Variants in CDCP1 observed in about 807,000 individuals in gnomAD.
CDCP1 encodes the protein CUB domain containing protein 1.
A neutral mutation model predicts 60.2 loss-of-function variants in CDCP1; 29 were observed. That is an observed-to-expected ratio of 0.48 (90% CI 0.36 to 0.66). The LOEUF (loss-of-function observed/expected upper bound fraction) is 0.66, where lower values mean the gene tolerates loss of function less well. Among genes scored for constraint, CDCP1 ranks in the 30% least tolerant of loss-of-function variants. CDCP1 has a pLI of 0.00. For synonymous variants in CDCP1, 387 were observed against 431.1 expected, an observed-to-expected ratio of 0.90 and a Z score of 1.27; for missense variants, 876 against 1,074.3, an observed-to-expected ratio of 0.82 and a Z score of 2.58.
Position 45,084,028 on chromosome 3 carries a change from C to G in CDCP1, c.*1610G>C, listed in dbSNP as rs1191267759. The G allele has an allele frequency of 6.6e-6, 1 of 152,232 alleles. No homozygotes were observed. The highest frequency in any genetic ancestry group is 1.5e-5 in the Non-Finnish European group (1 of 68,028). 9.4% of individuals were successfully genotyped at this position (152,232 alleles called of 1,614,324 possible). On this transcript the variant is annotated 3_prime_UTR_variant, in exon 9 of 9. Coordinates refer to ENST00000296129, the MANE Select transcript of CDCP1 (RefSeq NM_022842.5). ...TAATCCCAGTCTTTCTTTTTCATTA[C>G]AATAAATGCAACCTGCAGGGGCATT...
chr3:45,135,422 G>A (rs1043431093), intron 1 of CDCP1, among the ~76,000 whole-genome samples: 8 of 152,184 alleles, frequency 5.3e-5, no homozygotes, highest in South Asian at 2.1e-4. Flanking sequence ...ATTGTCAAGG[G>A]AGGAAAAGGA....
intron 1 of CDCP1, among the ~76,000 whole-genome samples, chr3:45,134,315 G>A (rs1008488923): frequency 6.6e-6 from 1 of 152,112 alleles, no homozygotes; most frequent in Non-Finnish European, 1.5e-5. Flanking sequence ...TAGTAGAGAC[G>A]GGGTTTCACC....
Position 45,091,455 on chromosome 3 carries a change from G to A in CDCP1, c.1711C>T (p.Leu571Phe). 6.2e-7 allele frequency: 1 copy of A among 1,612,012 alleles called. No homozygotes were observed. The highest frequency in any genetic ancestry group is 1.1e-5 in the South Asian group (1 of 90,684). ...CTGATGTTCCAGGACACAGAGGTGA[G>A]GGATGGCAGGCCCCGGTCCCAGTTG... ...TPNWDRGLPSLTSVSWNISVP... is the reference protein window; with the variant it reads ...TPNWDRGLPSFTSVSWNISVP... Residue 571 changes from leucine (L) to phenylalanine (F), a missense_variant, in exon 7 of 9, where the codon CTC becomes TTC. Leu to Phe is a conservative substitution (Grantham distance 22). Coordinates refer to ENST00000296129, the MANE Select transcript of CDCP1 (RefSeq NM_022842.5). The surrounding 1 kb of genome is among the most constrained non-coding windows in gnomAD (Gnocchi z 4.8).
chr3:45,143,744 T>C (rs990835487), intron 1 of CDCP1, among the ~76,000 whole-genome samples: 2 of 152,132 alleles, frequency 1.3e-5, no homozygotes, highest in Non-Finnish European at 2.9e-5. Flanking sequence ...ATGCAAGGCG[T>C]GCAACCATCA....
chr3:45,114,747 G>C (rs551157838), intron 2 of CDCP1, among the ~76,000 whole-genome samples: 1 of 152,212 alleles, frequency 6.6e-6, no homozygotes, highest in Non-Finnish European at 1.5e-5. Flanking sequence ...TATTCAAGAA[G>C]AGATGAGAAT....
At chr3:45,086,671 C>G (rs958430682) in intron 8 of CDCP1, among the ~76,000 whole-genome samples, 7 of 152,322 alleles carry the variant, frequency 4.6e-5, no homozygotes, top group Non-Finnish European at 1.0e-4. Flanking sequence ...TCACCCCCAA[C>G]AGAGGAAAGA....
At chr3:45,087,003 C>T (rs757643061) in intron 8 of CDCP1, among the ~76,000 whole-genome samples, 10 of 152,232 alleles carry the variant, frequency 6.6e-5, no homozygotes, top group African/African-American at 9.6e-5. Context: ...CAGCTTGTAA[C>T]GCTGAGCCCC....
At chr3:45,094,249 C>G (rs1307123085) in intron 5 of CDCP1, among the ~76,000 whole-genome samples, 2 of 151,058 alleles carry the variant, frequency 1.3e-5, no homozygotes, top group Non-Finnish European at 3.0e-5. Context: ...TTTTTGAGAC[C>G]GAGTCTCACT....
chr3:45,092,276 T>G (rs958518103), intron 6 of CDCP1, among the ~76,000 whole-genome samples: 2 of 152,194 alleles, frequency 1.3e-5, no homozygotes, highest in Admixed American at 6.5e-5. Flanking sequence ...TCAGAAATGC[T>G]CTCAACGTAG....
At chr3:45,111,830 T>A (rs940274947) in intron 3 of CDCP1, among the ~76,000 whole-genome samples, 1 of 152,158 alleles carries the variant, frequency 6.6e-6, no homozygotes, top group African/African-American at 2.4e-5. Flanking sequence ...GTAGAACCAA[T>A]CCCTTGTCAT....
intron 1 of CDCP1, among the ~76,000 whole-genome samples, chr3:45,132,385 T>G (rs1054701658): frequency 6.6e-6 from 1 of 152,182 alleles, no homozygotes; most frequent in African/African-American, 2.4e-5. Context: ...TTGTCATCCC[T>G]CAAAGGATAA....
At chr3:45,099,827 C>A (rs763789244) in intron 4 of CDCP1, among the ~76,000 whole-genome samples, 91 of 151,938 alleles carry the variant, frequency 6.0e-4, no homozygotes, top group Non-Finnish European at 1.1e-3. Flanking sequence ...CCTGAAAGCC[C>A]TTTTTAAAAA....
At position 45,082,745 on chromosome 3, in the gene CDCP1, A is replaced by G. The variant is rs71325049; in HGVS notation, c.*2893T>C. 1,067 of 152,346 alleles carry G rather than the reference A, an allele frequency of 7.0e-3. 9 individuals are homozygous for G. Among genetic ancestry groups the G allele is most frequent in the Non-Finnish European group, 0.01 (714 of 68,052 alleles). The allele number at this position is 152,346 out of a possible 1,614,324, so 9.4% of individuals were successfully genotyped here. ...CCACAGCATTAGAGACCAGTCCTGCATGCGCTGGCCTTCCTCGTAGGCATG... is the reference window on the plus strand; with the variant it reads ...CCACAGCATTAGAGACCAGTCCTGCGTGCGCTGGCCTTCCTCGTAGGCATG... On this transcript the variant is annotated 3_prime_UTR_variant, in exon 9 of 9. Transcript: ENST00000296129.
intron 1 of CDCP1, among the ~76,000 whole-genome samples, chr3:45,122,253 C>G (rs1187927149): frequency 1.3e-5 from 2 of 151,168 alleles, no homozygotes; most frequent in Non-Finnish European, 2.9e-5. Flanking sequence ...AAGCTATTCT[C>G]CTGCCTCAGC....
chr3:45,110,695 T>G lies in CDCP1; in HGVS notation c.802A>C (p.Asn268His), dbSNP rs917372276. The G allele has an allele frequency of 6.2e-7, 1 of 1,614,158 alleles. No homozygotes were observed. Among genetic ancestry groups the G allele is most frequent in the Admixed American group, 1.7e-5 (1 of 60,018 alleles). The change falls in exon 4 of 9, where the codon AAC becomes CAC. Residue 268 changes from asparagine (N) to histidine (H), a missense_variant. Physicochemically the swap from Asn to His is moderately conservative, Grantham distance 68 (BLOSUM62 1). This residue lies in a region of CDCP1 where 726 missense variants were observed against 935.7 expected (regional missense o/e 0.78). Transcript: ENST00000296129. ...CTCTCACAGTTGGAGAGGTTGAAGT[T>G]GAGGAAGGAGACGCTGGCCCGCAGG... Reference protein sequence around the residue: ...AHLRASVSFLNFNLSNCERKE... With the variant: ...AHLRASVSFLHFNLSNCERKE...
chr3:45,119,187 T>C (rs4683051), intron 1 of CDCP1, among the ~76,000 whole-genome samples: 124,184 of 152,166 alleles, frequency 0.82, 50,886 homozygotes, highest in Middle Eastern at 0.9. Context: ...TATCAATGAA[T>C]TTGGAAAGTT....
At chr3:45,136,473 AT>A (rs1347655986) in intron 1 of CDCP1, among the ~76,000 whole-genome samples, 2 of 152,320 alleles carry the variant, frequency 1.3e-5, no homozygotes, top group East Asian at 3.9e-4. Context: ...CTTTGCTCTT[AT>A]AGGTGATCTC....
chr3:45,108,787 A>ATATTTTTTTTTTTTTTT (rs1559392558), intron 4 of CDCP1, among the ~76,000 whole-genome samples: 1 of 34,744 alleles, frequency 2.9e-5, no homozygotes, highest in Non-Finnish European at 6.6e-5. Flanking sequence ...ATACATATAT[A>ATATTTTTTTTTTTTTTT]TGCATGTATA....
rs1698165220 is a variant in CDCP1 at position 45,085,027 on chromosome 3, A to G, written c.*611T>C. On this transcript the variant is annotated 3_prime_UTR_variant, in exon 9 of 9. Coordinates refer to ENST00000296129, the MANE Select transcript of CDCP1 (RefSeq NM_022842.5). This position sits in a 1 kb window ranked among gnomAD's most constrained non-coding sequence, Gnocchi z 4.2. ...CACACACATTCTTTTCTGGTTGGAC[A>G]GATTGTAAATTATTCCCACCACCTG... is the stretch of plus-strand genomic sequence containing the variant. 6.6e-6 allele frequency: 1 copy of G among 152,656 alleles called. No individual in the cohort carries two copies. Among genetic ancestry groups the G allele is most frequent in the Non-Finnish European group, 1.5e-5 (1 of 68,228 alleles). 9.5% of individuals were successfully genotyped at this position (152,656 alleles called of 1,614,324 possible). A position where few individuals can be genotyped will look rare whatever the true frequency, so the allele number is the denominator to read the frequency against.
Sources: allele counts gnomAD v4.1 joint callset (sites outside exome capture counted in the v4.1 genomes callset), GRCh38; gene constraint gnomAD v4.1.1; regional missense constraint gnomAD v4.1.1; non-coding constraint Gnocchi (gnomAD v3.1); transcripts MANE v1.5; gene names NCBI Gene and HGNC (gene_info 2026-07-23, HGNC 2026-07-21).